The following DPYS variants were observed in gnomAD, a reference collection of about 807,000 sequenced individuals.
The protein encoded by DPYS is dihydropyrimidine amidohydrolase.
In DPYS, 39 loss-of-function variants were observed where a neutral mutation model predicts 50.3. The observed-to-expected ratio is 0.78, with a 90% confidence interval of 0.60 to 1.01. The LOEUF (loss-of-function observed/expected upper bound fraction) is 1.01, where lower values mean the gene tolerates loss of function less well. Ranked by LOEUF, DPYS falls within the 50% of genes least tolerant of loss-of-function variation. DPYS has a pLI of 0.00. For synonymous variants in DPYS, 245 were observed against 250.7 expected, an observed-to-expected ratio of 0.98 and a Z score of 0.22; for missense variants, 659 against 680.9, an observed-to-expected ratio of 0.97 and a Z score of 0.36.
At position 104,399,307 on chromosome 8, in the gene DPYS, A is replaced by C. The variant is rs1252130324; in HGVS notation, c.1236-6316T>G. Among the ~76,000 whole-genome samples the C allele has an allele frequency of 2.4e-3, 88 of 37,310 alleles. 3 individuals are homozygous for C. The highest frequency in any genetic ancestry group is 5.2e-3 in the Non-Finnish European group (50 of 9,616). 24.5% of individuals were successfully genotyped at this position (37,310 alleles called of 152,430 possible). Reference sequence around the variant, plus strand: ...CTCCATCTCAAAAAAAAAAAAAAAAAAAACAACAACAAAAAAAAACCAAGA... The same window carrying C: ...CTCCATCTCAAAAAAAAAAAAAAAACAAACAACAACAAAAAAAAACCAAGA... On this transcript the variant is annotated intron_variant, in intron 7 of 9. Transcript: ENST00000351513.
At position 104,384,136 on chromosome 8, in the gene DPYS, A is replaced by T. The variant is rs570835131; in HGVS notation, c.1444-2822T>A. On this transcript the variant is annotated intron_variant, in intron 8 of 9. Transcript: ENST00000351513. The stretch of plus-strand genomic sequence containing the variant: ...ATGGATGGGAGCCACACCTGCGTGC[A>T]CGGCCACCTCAGAAACAAGCAGCCT... 3.3e-4 allele frequency among the ~76,000 whole-genome samples: 51 copies of T among 152,260 alleles called. 1 individual carries two copies. The Middle Eastern group carries it at 0.017, about 51-fold the overall frequency.
At chr8:104,392,541 T>C (rs996440398) in intron 8 of DPYS, among the ~76,000 whole-genome samples, 9 of 152,156 alleles carry the variant, frequency 5.9e-5, no homozygotes, top group African/African-American at 2.2e-4. Flanking sequence ...CCCCACCAGA[T>C]TACCCCACAA....
chr8:104,445,002 A>G (rs1034723786), intron 3 of DPYS, among the ~76,000 whole-genome samples: 2 of 152,266 alleles, frequency 1.3e-5, no homozygotes, highest in Non-Finnish European at 1.5e-5. Flanking sequence ...GCAAACAGGC[A>G]TATGAAAAGG....
At chr8:104,408,814 G>T (rs72667486) in intron 7 of DPYS, among the ~76,000 whole-genome samples, 1,651 of 140,100 alleles carry the variant, frequency 0.012, 20 homozygotes, top group Non-Finnish European at 0.018. Flanking sequence ...ATGTTTTTTT[G>T]TTTGTTTTTT....
chr8:104,392,198 T>C (rs1218079444), intron 8 of DPYS, among the ~76,000 whole-genome samples: 1 of 152,144 alleles, frequency 6.6e-6, no homozygotes, highest in Non-Finnish European at 1.5e-5. Context: ...TTCATTACAC[T>C]TTTACACAGA....
intron 1 of DPYS, among the ~76,000 whole-genome samples, chr8:104,464,674 T>C (rs1201618144): frequency 6.6e-6 from 1 of 152,172 alleles, no homozygotes; most frequent in Non-Finnish European, 1.5e-5. Flanking sequence ...CACAGACACA[T>C]GCACAATATG....
intron 2 of DPYS, 112 bp from the exon 3 acceptor site, chr8:104,447,615 A>G: frequency 2.3e-6 from 3 of 1,287,240 alleles, no homozygotes; most frequent in Non-Finnish European, 3.3e-6. Flanking sequence ...TAAGGAAAAT[A>G]AGGACAATAG....
chr8:104,411,269 T>A (rs1812165768), intron 7 of DPYS, among the ~76,000 whole-genome samples: 1 of 152,234 alleles, frequency 6.6e-6, no homozygotes, highest in Admixed American at 6.5e-5. Flanking sequence ...TTCAGATAAC[T>A]GATTAACATT....
intron 8 of DPYS, among the ~76,000 whole-genome samples, chr8:104,384,137 C>T (rs991517468): frequency 1.2e-4 from 19 of 152,204 alleles, no homozygotes; most frequent in Admixed American, 1.3e-4. Context: ...CCTGCGTGCA[C>T]GGCCACCTCA....
At position 104,451,358 on chromosome 8, in the gene DPYS, G is replaced by A; in HGVS notation, c.311C>T (p.Pro104Leu). The change falls in exon 2 of 10, where the codon CCT becomes CTT. Residue 104 changes from proline (P) to leucine (L), a missense_variant. By Grantham distance (98) the Pro-to-Leu change is moderately conservative. Coordinates refer to ENST00000351513, the MANE Select transcript of DPYS (RefSeq NM_001385.3). ...GTTMIIDFAI[P>L]QKGGSLIEAF... ...CTCAATGAGGGAGCCACCTTTCTGAGGAATGGCGAAATCAATAATCATGGT... is the reference window on the plus strand; with the variant it reads ...CTCAATGAGGGAGCCACCTTTCTGAAGAATGGCGAAATCAATAATCATGGT... 1 of 1,614,170 alleles carries A rather than the reference G, an allele frequency of 6.2e-7. No homozygotes were observed. The highest frequency in any genetic ancestry group is 2.2e-5 in the East Asian group (1 of 44,876).
chr8:104,433,692 T>C lies in DPYS; in HGVS notation c.794-3991A>G, dbSNP rs544072569. ...AAAATCACCTTGACTCAGTTGCACA[T>C]CGATTCTTCCTACAGCACTAGTGCC... is the stretch of plus-strand genomic sequence containing the variant. On this transcript the variant is annotated intron_variant, in intron 4 of 9. Transcript: ENST00000351513. 1.2e-3 allele frequency among the ~76,000 whole-genome samples: 183 copies of C among 152,160 alleles called. 1 individual carries two copies. Among genetic ancestry groups the C allele is most frequent in the Non-Finnish European group, 2.3e-3 (154 of 68,030 alleles).
intron 7 of DPYS, among the ~76,000 whole-genome samples, chr8:104,403,773 A>G (rs1198032125): frequency 6.6e-6 from 1 of 152,222 alleles, no homozygotes; most frequent in African/African-American, 2.4e-5. Context: ...TTAGTAAAAG[A>G]GAGAAGGAAA....
intron 7 of DPYS, among the ~76,000 whole-genome samples, chr8:104,411,454 C>T (rs886955060): frequency 2.6e-5 from 4 of 152,186 alleles, no homozygotes; most frequent in African/African-American, 9.6e-5. Context: ...AAAGTAAGAA[C>T]ATTTCCCTTC....
At chr8:104,401,930 G>C (rs1335017616) in intron 7 of DPYS, among the ~76,000 whole-genome samples, 6 of 152,164 alleles carry the variant, frequency 3.9e-5, no homozygotes, top group South Asian at 2.1e-4. Context: ...AGAGAAAATG[G>C]GAATTGCTTC....
chr8:104,466,125 A>G (rs1356344839), intron 1 of DPYS, among the ~76,000 whole-genome samples: 6 of 152,174 alleles, frequency 3.9e-5, no homozygotes, highest in Admixed American at 3.3e-4. Context: ...TAGCCTACTC[A>G]GACACATTAC....
At chr8:104,421,687 T>A (rs1486610776) in intron 7 of DPYS, among the ~76,000 whole-genome samples, 1 of 152,098 alleles carries the variant, frequency 6.6e-6, no homozygotes, top group African/African-American at 2.4e-5. Context: ...GAGAAAGCAA[T>A]AGAAAGAAAT....
At chr8:104,399,425 C>T (rs1811714108) in intron 7 of DPYS, among the ~76,000 whole-genome samples, 1 of 151,590 alleles carries the variant, frequency 6.6e-6, no homozygotes, top group East Asian at 1.9e-4. Context: ...GAGCAGGCAT[C>T]ATGTATCTTT....
intron 6 of DPYS, among the ~76,000 whole-genome samples, chr8:104,425,675 A>T (rs1422850099): frequency 6.6e-6 from 1 of 152,138 alleles, no homozygotes; most frequent in African/African-American, 2.4e-5. Context: ...ATTTTATGCA[A>T]TTGAAGTTTT....
intron 8 of DPYS, among the ~76,000 whole-genome samples, chr8:104,391,017 C>T (rs1358737410): frequency 1.3e-5 from 2 of 152,068 alleles, no homozygotes; most frequent in Admixed American, 6.6e-5. Context: ...AAACTAACTC[C>T]CCAGAAATAT....
Sources: gnomAD v4.1 joint callset for allele counts (sites outside exome capture counted in the v4.1 genomes callset) on GRCh38, gnomAD v4.1.1 for gene constraint, MANE v1.5 for transcripts, NCBI Gene and HGNC (gene_info 2026-07-23, HGNC 2026-07-21) for gene names.